ZNF780B: variants seen among roughly 807,000 people sequenced by gnomAD.
ZNF780B encodes the protein zinc finger protein 779.
A neutral mutation model predicts 74.1 loss-of-function variants in ZNF780B; 52 were observed. That is an observed-to-expected ratio of 0.70 (90% CI 0.56 to 0.88). The LOEUF is 0.88. ZNF780B is among the 40% of genes least tolerant of loss of function. ZNF780B has a pLI of 0.00. For missense variants in ZNF780B, 953 were observed against 1,007.6 expected, an observed-to-expected ratio of 0.95 and a Z score of 0.73; for synonymous variants, 315 against 324.3, an observed-to-expected ratio of 0.97 and a Z score of 0.31.
At chr19:40,052,419 T>C (rs1310172445) in intron 1 of ZNF780B, among the ~76,000 whole-genome samples, 1 of 152,202 alleles carries the variant, frequency 6.6e-6, no homozygotes, top group Non-Finnish European at 1.5e-5. Context: ...GATAGTCTTA[T>C]GAAATGATAT....
chr19:40,048,066 C>T (rs562541286), intron 3 of ZNF780B, among the ~76,000 whole-genome samples: 3 of 152,238 alleles, frequency 2.0e-5, no homozygotes, highest in South Asian at 2.1e-4. Context: ...GAAGGTCTGT[C>T]GAAGGAAATG....
intron 4 of ZNF780B, among the ~76,000 whole-genome samples, chr19:40,041,201 T>A (rs1972618735): frequency 6.6e-6 from 1 of 152,206 alleles, no homozygotes; most frequent in Non-Finnish European, 1.5e-5. Context: ...TCAGTTTCCA[T>A]GTAGTTGAGT....
chr19:40,042,325 G>A (rs1457501300), intron 4 of ZNF780B, among the ~76,000 whole-genome samples: 3 of 152,176 alleles, frequency 2.0e-5, no homozygotes, highest in Admixed American at 6.5e-5. Flanking sequence ...CTCTCTGGCT[G>A]CCCTTAACGT....
chr19:40,034,605 G>T lies in ZNF780B; in HGVS notation c.2254C>A (p.Pro752Thr), dbSNP rs1357848917. The change falls in exon 5 of 5, where the codon CCA (proline) becomes ACA (threonine). Residue 752 changes from proline (P) to threonine (T), a missense_variant. Physicochemically the swap from Pro to Thr is conservative, Grantham distance 38. Transcript: ENST00000434248. Reference sequence around the variant, plus strand: ...TTCCCACACTCCTTACATTTAAATGGCTTCTCACCAGTATGAATGATCTGA... The same window carrying T: ...TTCCCACACTCCTTACATTTAAATGTCTTCTCACCAGTATGAATGATCTGA... ...QHQIIHTGEK[P>T]FKCKECGKAF... The T allele has an allele frequency of 6.2e-7, 1 of 1,613,868 alleles. No homozygotes were observed. The highest frequency in any genetic ancestry group is 1.1e-5 in the South Asian group (1 of 91,074).
At chr19:40,040,262 A>G (rs1319366622) in intron 4 of ZNF780B, among the ~76,000 whole-genome samples, 3 of 152,304 alleles carry the variant, frequency 2.0e-5, no homozygotes, top group Admixed American at 2.0e-4. Flanking sequence ...GATGAAGCCC[A>G]CTTGATCATG....
rs183928164 is a variant in ZNF780B at position 40,055,819 on chromosome 19, T to G, written c.-46+370A>C. 2.8e-3 allele frequency among the ~76,000 whole-genome samples: 427 copies of G among 152,328 alleles called. 4 individuals are homozygous for G. Among genetic ancestry groups the G allele is most frequent in the African/African-American group, 9.5e-3 (396 of 41,574 alleles). ...CCTACTGGGGACATTTTCATTCCTC[T>G]GCTGCAGCCTCTGCAGCTTTGAAGG... On this transcript the variant is annotated intron_variant, in intron 1 of 4. Transcript: ENST00000434248.
At position 40,035,086 on chromosome 19, in the gene ZNF780B, C is replaced by G. The variant is rs375755532; in HGVS notation, c.1773G>C (p.Gly591=). 1.4e-5 allele frequency: 22 copies of G among 1,613,902 alleles called. No homozygotes were observed. The East Asian group carries it at 4.7e-4, about 34-fold the overall frequency. ...GKKPFECKEC[G]KAFRLHMHLI... ...GGTGCATATGAAGTCGAAAGGCTTTCCCACATTCCTTACATTCAAAGGGTT... is the reference window on the plus strand; with the variant it reads ...GGTGCATATGAAGTCGAAAGGCTTTGCCACATTCCTTACATTCAAAGGGTT... Residue 591 remains glycine (G), a synonymous_variant, in exon 5 of 5, where the codon GGG becomes GGC. Transcript: ENST00000434248.
intron 4 of ZNF780B, among the ~76,000 whole-genome samples, chr19:40,037,247 G>GTC (rs1972384231): frequency 6.7e-6 from 1 of 149,280 alleles, no homozygotes; most frequent in Admixed American, 6.6e-5. Flanking sequence ...AAGAGACAGG[G>GTC]TCTCTCTCTG....
chr19:40,035,254 C>T lies in ZNF780B; in HGVS notation c.1605G>A (p.Gly535=), dbSNP rs373990329. The T allele has an allele frequency of 9.9e-6, 16 of 1,613,934 alleles. No individual in the cohort carries two copies. The African/African-American group carries it at 2.0e-4, about 20-fold the overall frequency. ...GEKPYECKEC[G]KAFRLHLQLS... ...GTTGTAGGTGAAGTCTAAAAGCCTT[C>T]CCACACTCCTTACATTCATAGGGCT... is the stretch of plus-strand genomic sequence containing the variant. Residue 535 remains glycine, a synonymous_variant, in exon 5 of 5, where the codon GGG becomes GGA. Transcript: ENST00000434248.
chr19:40,050,196 C>CAAAAAA lies in ZNF780B; in HGVS notation c.9+122_9+127dup, dbSNP rs74179712. ...TGGGTGACAGAGCAAGACTCCGTCT[C>CAAAAAA]AAAAAAAAAAAAAAAAAAAAAAAAA... On this transcript the variant is annotated intron_variant, in intron 2 of 4. Coordinates refer to ENST00000434248, the MANE Select transcript of ZNF780B (RefSeq NM_001005851.3). 5.5e-4 allele frequency: 214 copies of CAAAAAA among 392,348 alleles called. 4 individuals carry two copies. The African/African-American group carries it at 5.5e-3, about 10-fold the overall frequency. 24.3% of individuals were successfully genotyped at this position (392,348 alleles called of 1,614,324 possible).
At position 40,034,259 on chromosome 19, in the gene ZNF780B, ACATT is replaced by A; in HGVS notation, c.*94_*97del. On this transcript the variant is annotated 3_prime_UTR_variant, in exon 5 of 5. Transcript: ENST00000434248. ...TGGTAAAGCATTTCCCACATCCTTG[ACATT>A]CATAAGGGTTCTCACGAATATGAAA... The A allele has an allele frequency of 1.9e-6, 2 of 1,034,264 alleles. No individual in the cohort carries two copies. Among genetic ancestry groups the A allele is most frequent in the Non-Finnish European group, 2.8e-6 (2 of 704,706 alleles). The allele number at this position is 1,034,264 out of a possible 1,614,324, so 64.1% of individuals were successfully genotyped here.
rs146380773 is a variant in ZNF780B at position 40,047,288 on chromosome 19, C to A, written c.232+87G>T. ...GGTTATTGAAGAAAGTTTTCCAAAC[C>A]ACATCTCAGGGGTGTGACTCCTCTC... On this transcript the variant is annotated intron_variant, in intron 4 of 4. Transcript: ENST00000434248. 1.9e-3 allele frequency: 2,275 copies of A among 1,206,474 alleles called. 32 individuals carry two copies. The African/African-American group carries it at 0.029, about 15-fold the overall frequency. 74.7% of individuals were successfully genotyped at this position (1,206,474 alleles called of 1,614,324 possible).
chr19:40,047,193 G>T, intron 4 of ZNF780B, 182 bp downstream of exon 4: 1 of 559,796 alleles, frequency 1.8e-6, no homozygotes, highest in Non-Finnish European at 3.2e-6. Flanking sequence ...GAAGTTCCTT[G>T]GGGACAGCTC....
chr19:40,040,223 C>T (rs1312000437), intron 4 of ZNF780B, among the ~76,000 whole-genome samples: 3 of 151,852 alleles, frequency 2.0e-5, no homozygotes, highest in Non-Finnish European at 4.4e-5. Flanking sequence ...TATTGATTTG[C>T]ATATGTTGAA....
chr19:40,038,840 A>T, intron 4 of ZNF780B, among the ~76,000 whole-genome samples: 1 of 149,224 alleles, frequency 6.7e-6, no homozygotes, highest in African/African-American at 2.5e-5. Context: ...GGTTGTGAAA[A>T]TTTTCTCCCA....
In ZNF780B at chr19:40,034,501, A is replaced by G; in HGVS notation, c.2358T>C (p.Cys786=). 1 of 1,613,918 alleles carries G rather than the reference A, an allele frequency of 6.2e-7. No individual in the cohort carries two copies. The highest frequency in any genetic ancestry group is 1.1e-5 in the South Asian group (1 of 91,064). The change falls in exon 5 of 5, where the codon TGT becomes TGC. Residue 786 remains cysteine (C), a synonymous_variant. Coordinates refer to ENST00000434248, the MANE Select transcript of ZNF780B (RefSeq NM_001005851.3). ...GTAGGTGAAGTCTAAAAGCCTTCCC[A>G]CACTCCTTACATTCATAGGGTTTCT... ...TGEKPYECKE[C]GKAFRLHLQL... is the part of the protein sequence containing the mutation.
rs765062899 is a variant in ZNF780B at position 40,035,081 on chromosome 19, G to C, written c.1778C>G (p.Ala593Gly). The C allele has an allele frequency of 6.2e-6, 10 of 1,613,960 alleles. No homozygotes were observed. In the Admixed American group the frequency reaches 1.5e-4, roughly 24 times the overall value. The change falls in exon 5 of 5, where the codon GCC becomes GGC. Residue 593 changes from alanine to glycine, a missense_variant. Ala to Gly is a moderately conservative substitution (Grantham distance 60). Coordinates refer to ENST00000434248, the MANE Select transcript of ZNF780B (RefSeq NM_001005851.3). ...KPFECKECGKAFRLHMHLIRH... is the reference protein window; with the variant it reads ...KPFECKECGKGFRLHMHLIRH... ...AATAAGGTGCATATGAAGTCGAAAG[G>C]CTTTCCCACATTCCTTACATTCAAA...
chr19:40,047,585 C>T (rs570851147), intron 3 of ZNF780B, 115 bp from the exon 4 acceptor site: 47 of 603,006 alleles, frequency 7.8e-5, no homozygotes, highest in South Asian at 4.6e-4. Flanking sequence ...TGAGAAGAGA[C>T]TCCAGATAAG....
rs778557584 is a variant in ZNF780B, at chr19:40,036,468, G to A, written c.391C>T (p.Arg131Ter). 1.0e-4 allele frequency: 165 copies of A among 1,609,834 alleles called. 1 individual carries two copies. Among genetic ancestry groups the A allele is most frequent in the Admixed American group, 2.0e-4 (12 of 59,142 alleles). ...DSEYRSRFEG[R>*]QGHQEGYINQ... ...ATATATCCTTCTTGATGTCCCTGTC[G>A]TCCCTCAAATCTACTTCTATATTCT... The change falls in exon 5 of 5, where the codon CGA becomes TGA. Residue 131 changes from arginine to a stop codon, truncating the protein, a stop_gained. Transcript: ENST00000434248. LOFTEE classifies it high-confidence loss of function.
Sources: allele counts gnomAD v4.1 joint callset (sites outside exome capture counted in the v4.1 genomes callset), GRCh38; gene constraint gnomAD v4.1.1; transcripts MANE v1.5; gene names NCBI Gene and HGNC (gene_info 2026-07-23, HGNC 2026-07-21).